Variants in NAA38 observed in about 807,000 individuals in gnomAD.
The protein encoded by NAA38 is LSM domain containing 1.
NAA38 carries 15 observed loss-of-function variants against 12.6 expected under a neutral mutation model. The ratio of observed to expected loss-of-function variants is 1.19; its 90% CI spans 0.79 to 1.83. The LOEUF (loss-of-function observed/expected upper bound fraction) is 1.83, where lower values mean the gene tolerates loss of function less well. NAA38 is among the 40% of genes most tolerant of loss of function. The pLI is 0.00. For missense variants in NAA38, 183 were observed against 171.7 expected (o/e 1.07, Z -0.37); for synonymous variants, 88 against 69.9 (o/e 1.26, Z -1.29).
chr17:7,858,280 C>T (rs2151385282), upstream of NAA38: 1 of 1,613,984 alleles, frequency 6.2e-7, no homozygotes, highest in Non-Finnish European at 8.5e-7. Context: ...ACGTCATTGG[C>T]ACAGGAATAC....
upstream of NAA38, chr17:7,858,998 GGA>G (rs2078860949): frequency 8.4e-6 from 5 of 597,066 alleles, no homozygotes; most frequent in East Asian, 1.4e-4. Flanking sequence ...GGGAATTCTA[GGA>G]GTGTCTGGGT....
At chr17:7,857,896 G>A (rs1327308187), upstream of NAA38, 1 of 1,404,264 alleles carries the variant, frequency 7.1e-7, no homozygotes, top group Non-Finnish European at 9.3e-7. Context: ...TCAATTACTT[G>A]ATCCTTATAT....
upstream of NAA38, chr17:7,859,451 T>C (rs528064791): frequency 9.3e-6 from 15 of 1,614,116 alleles, no homozygotes; most frequent in South Asian, 1.2e-4. Context: ...TGCTGCCAGC[T>C]ACACGTGGAA....
At chr17:7,859,805 A>C (rs1460508732), upstream of NAA38, 1 of 585,924 alleles carries the variant, frequency 1.7e-6, no homozygotes, top group African/African-American at 1.9e-5. Flanking sequence ...TGAGAAAATT[A>C]GTGAATTAAT....
intron 2 of NAA38, among the ~76,000 whole-genome samples, chr17:7,877,798 G>A (rs1967201954): frequency 6.6e-6 from 1 of 152,116 alleles, no homozygotes; most frequent in Non-Finnish European, 1.5e-5. Flanking sequence ...AGTAATATAT[G>A]TGACCATCAG....
At chr17:7,867,185 G>A (rs1966999298) in intron 2 of NAA38, among the ~76,000 whole-genome samples, 1 of 152,148 alleles carries the variant, frequency 6.6e-6, no homozygotes. Flanking sequence ...GAGGAAAGCG[G>A]GAGGCGGGGG....
upstream of NAA38, chr17:7,857,913 C>T (rs2078843887): frequency 2.8e-6 from 4 of 1,419,072 alleles, no homozygotes; most frequent in South Asian, 4.5e-5. Context: ...ATATGCCCCA[C>T]GCGGGACTCA....
intron 1 of NAA38, chr17:7,884,734 G>GGAA: frequency 2.9e-6 from 1 of 344,534 alleles, no homozygotes; most frequent in Admixed American, 4.8e-5. Context: ...AGGAGGAGGA[G>GGAA]GTGGTGGTGG....
At chr17:7,877,989 C>T (rs141237069) in intron 2 of NAA38, among the ~76,000 whole-genome samples, 2 of 151,978 alleles carry the variant, frequency 1.3e-5, no homozygotes, top group East Asian at 3.8e-4. Flanking sequence ...AGTTTCTATA[C>T]CTATAAAATT....
chr17:7,865,213 A>C (rs1423016189), intron 3 of NAA38: 1 of 152,186 alleles, frequency 6.6e-6, no homozygotes, highest in Non-Finnish European at 1.5e-5. Flanking sequence ...TCCTCCCAAC[A>C]AACTTAAGGC....
At chr17:7,869,844 G>T (rs995605462) in intron 2 of NAA38, among the ~76,000 whole-genome samples, 1 of 152,124 alleles carries the variant, frequency 6.6e-6, no homozygotes, top group Non-Finnish European at 1.5e-5. Flanking sequence ...GCAAGTGAAG[G>T]GGTAAGAGGA....
At chr17:7,856,919 C>T in intron 2 of NAA38, 76 bp from the exon 3 acceptor site, 1 of 1,592,618 alleles carries the variant, frequency 6.3e-7, no homozygotes, top group Non-Finnish European at 8.6e-7. Flanking sequence ...AAACGAGCCC[C>T]AGAAAACAAG....
chr17:7,858,415 T>C, upstream of NAA38: 1 of 1,614,174 alleles, frequency 6.2e-7, no homozygotes, highest in Non-Finnish European at 8.5e-7. Context: ...AACCTGCTGC[T>C]GAAACCCATC....
chr17:7,866,408 G>A (rs1038865996), intron 3 of NAA38: 111 of 1,145,684 alleles, frequency 9.7e-5, no homozygotes, highest in Non-Finnish European at 1.2e-4. Context: ...GCGCCCGGCC[G>A]CCACGGGGAA....
chr17:7,882,580 GAAGAC>G (rs1967293966), intron 2 of NAA38, among the ~76,000 whole-genome samples: 2 of 152,074 alleles, frequency 1.3e-5, no homozygotes, highest in Admixed American at 6.5e-5. Flanking sequence ...GACAGAGAAA[GAAGAC>G]AAGAGAGCAA....
intron 2 of NAA38, among the ~76,000 whole-genome samples, chr17:7,878,299 G>A (rs1296776508): frequency 1.3e-5 from 2 of 151,714 alleles, no homozygotes; most frequent in African/African-American, 4.8e-5. Flanking sequence ...AAGGACTGAA[G>A]TTTCCTCCTT....
chr17:7,856,826 C>G lies in NAA38; in HGVS notation c.283G>C (p.Glu95Gln). Residue 95 changes from glutamate (E) to glutamine (Q), a missense_variant, in exon 3 of 3, where the codon GAG (glutamate) becomes CAG (glutamine). Physicochemically the swap from Glu to Gln is conservative, Grantham distance 29. Transcript: ENST00000575771. The part of the protein sequence containing the change: ...LKPSDSFSAG[E>Q]PRVLGLAMVP... ...ATGGCCAGGCCCAGCACACGGGGCT[C>G]CCCGGCAGAGAAGGAATCTGGAAAG... is the stretch of plus-strand genomic sequence containing the variant. The G allele has an allele frequency of 1.9e-6, 3 of 1,613,778 alleles. No individual in the cohort carries two copies. The highest frequency in any genetic ancestry group is 2.5e-6 in the Non-Finnish European group (3 of 1,179,984).
intron 2 of NAA38, among the ~76,000 whole-genome samples, chr17:7,882,585 CAA>C (rs1967294166): frequency 6.6e-6 from 1 of 151,564 alleles, no homozygotes; most frequent in Non-Finnish European, 1.5e-5. Flanking sequence ...AGAAAGAAGA[CAA>C]GAGAGCAAAA....
chr17:7,864,041 T>C (rs1412096601), intron 3 of NAA38: 1 of 152,122 alleles, frequency 6.6e-6, no homozygotes, highest in Admixed American at 6.6e-5. Context: ...TACTATAACA[T>C]CCAATCATAC....
Sources: allele counts gnomAD v4.1 joint callset (sites outside exome capture counted in the v4.1 genomes callset), GRCh38; gene constraint gnomAD v4.1.1; transcripts MANE v1.5; gene names NCBI Gene and HGNC (gene_info 2026-07-23, HGNC 2026-07-21).